Variants in MAGI2 observed in about 807,000 individuals in gnomAD.
The protein encoded by MAGI2 is membrane-associated guanylate kinase, WW and PDZ domain-containing protein 2.
Under a neutral mutation model 133.3 loss-of-function variants are expected in MAGI2, and 35 were observed. The ratio of observed to expected loss-of-function variants is 0.26; its 90% CI spans 0.20 to 0.35. MAGI2 has a LOEUF of 0.35. Among genes scored for constraint, MAGI2 ranks in the 10% least tolerant of loss-of-function variants. The probability of loss-of-function intolerance (pLI) is 1.00; values close to 1 mark genes in which losing one functional copy is unlikely to be tolerated. For missense variants in MAGI2, 1,636 were observed against 1,863.4 expected (o/e 0.88, Z 2.25); for synonymous variants, 729 against 710.6 (o/e 1.03, Z -0.41).
chr7:78,938,007 A>G (rs978726241), intron 2 of MAGI2, among the ~76,000 whole-genome samples: 10 of 152,102 alleles, frequency 6.6e-5, no homozygotes, highest in African/African-American at 1.7e-4. Flanking sequence ...AAAGATGAAT[A>G]TTTCATCATC....
chr7:78,493,380 T>TTA (rs1464940524), intron 5 of MAGI2, among the ~76,000 whole-genome samples: 1 of 152,106 alleles, frequency 6.6e-6, no homozygotes, highest in Non-Finnish European at 1.5e-5. Flanking sequence ...CATTGCAGAG[T>TTA]TATTCTCACT....
At chr7:79,181,872 A>G (rs1385624908) in intron 1 of MAGI2, among the ~76,000 whole-genome samples, 1 of 152,002 alleles carries the variant, frequency 6.6e-6, no homozygotes, top group African/African-American at 2.4e-5. Context: ...GATGTTCCAC[A>G]AATCTCTAGG....
intron 1 of MAGI2, among the ~76,000 whole-genome samples, chr7:79,428,179 G>A (rs1221206128): frequency 2.0e-5 from 3 of 152,170 alleles, no homozygotes; most frequent in African/African-American, 7.2e-5. Context: ...TGGAAACCAT[G>A]ACTAGTGCAA....
At chr7:79,191,358 TCATTTCCTGAG>T (rs1305278699) in intron 1 of MAGI2, among the ~76,000 whole-genome samples, 1 of 150,522 alleles carries the variant, frequency 6.6e-6, no homozygotes, top group East Asian at 1.9e-4. Context: ...TGCAGCAATT[TCATTTCCTGAG>T]CATTTCTTCT....
Position 78,513,604 on chromosome 7 carries a change from T to G in MAGI2, c.754+7826A>C, listed in dbSNP as rs546316703. On this transcript the variant is annotated intron_variant, in intron 4 of 21. Transcript: ENST00000354212. ...GAAAGCCTGGAGAACCTGAAGAAAC[T>G]TAAACATTTTCACAATTCCATGGGC... Among the ~76,000 whole-genome samples the G allele has an allele frequency of 6.6e-5, 10 of 152,242 alleles. No homozygotes were observed. The South Asian group carries it at 2.1e-3, about 32-fold the overall frequency.
chr7:78,203,572 A>G (rs1192973190), intron 10 of MAGI2, among the ~76,000 whole-genome samples: 1 of 152,174 alleles, frequency 6.6e-6, no homozygotes. Context: ...ACGTGATGGC[A>G]GTTTCTGGAA....
intron 1 of MAGI2, among the ~76,000 whole-genome samples, chr7:79,445,739 A>G (rs1481697530): frequency 7.9e-5 from 12 of 152,218 alleles, no homozygotes; most frequent in Admixed American, 7.2e-4. Flanking sequence ...TAGTTCAACC[A>G]TTGTGGAAGT....
intron 2 of MAGI2, among the ~76,000 whole-genome samples, chr7:78,646,022 A>G (rs1435993478): frequency 6.6e-6 from 1 of 152,200 alleles, no homozygotes; most frequent in Non-Finnish European, 1.5e-5. Context: ...TACAGGCGTG[A>G]GGCACTGCAC....
chr7:78,417,217 T>C (rs1484752792), intron 6 of MAGI2, among the ~76,000 whole-genome samples: 1 of 152,126 alleles, frequency 6.6e-6, no homozygotes, highest in East Asian at 1.9e-4. Flanking sequence ...ACTGAAAGAC[T>C]GTTATTTTAT....
intron 20 of MAGI2, among the ~76,000 whole-genome samples, chr7:78,100,427 T>G (rs564499147): frequency 1.3e-5 from 2 of 152,302 alleles, no homozygotes; most frequent in East Asian, 3.9e-4. Context: ...ACATGCTCAC[T>G]GCAGCCTTGA....
At chr7:78,562,609 G>A (rs905590305) in intron 3 of MAGI2, among the ~76,000 whole-genome samples, 5 of 152,044 alleles carry the variant, frequency 3.3e-5, no homozygotes, top group African/African-American at 1.2e-4. Context: ...CAGTGAAACA[G>A]GTAAAAAATC....
At chr7:79,237,782 G>A (rs866932871) in intron 1 of MAGI2, among the ~76,000 whole-genome samples, 1 of 152,250 alleles carries the variant, frequency 6.6e-6, no homozygotes, top group Non-Finnish European at 1.5e-5. Context: ...ATGCCACAAT[G>A]TATTTAAATA....
intron 1 of MAGI2, among the ~76,000 whole-genome samples, chr7:79,078,831 G>A (rs368254173): frequency 1.5e-4 from 23 of 152,198 alleles, no homozygotes; most frequent in East Asian, 1.4e-3. Context: ...GTGAGTTTGC[G>A]TGCATATAAA....
chr7:78,363,495 A>AAATAATAATAATAATGATAAT (rs755903771), intron 7 of MAGI2, among the ~76,000 whole-genome samples: 27,984 of 121,914 alleles, frequency 0.23, 3,190 homozygotes, highest in East Asian at 0.47. Flanking sequence ...TCCATCTCGA[A>AAATAATAATAATAATGATAAT]AATAATAATA....
chr7:78,212,889 C>T (rs997884374), intron 10 of MAGI2, among the ~76,000 whole-genome samples: 3 of 152,188 alleles, frequency 2.0e-5, no homozygotes, highest in African/African-American at 7.2e-5. Context: ...GTTGCCCACA[C>T]TGGTCTCAAA....
intron 4 of MAGI2, among the ~76,000 whole-genome samples, chr7:78,505,695 A>G (rs893682143): frequency 2.0e-5 from 3 of 152,230 alleles, no homozygotes; most frequent in Non-Finnish European, 4.4e-5. Context: ...CCTTTCTCTC[A>G]TGGAACTCCA....
intron 6 of MAGI2, among the ~76,000 whole-genome samples, chr7:78,482,142 A>G (rs891679829): frequency 6.6e-6 from 1 of 151,982 alleles, no homozygotes; most frequent in South Asian, 2.1e-4. Context: ...AATCATATAA[A>G]AAGATGTGCA....
intron 1 of MAGI2, among the ~76,000 whole-genome samples, chr7:79,447,621 C>A (rs1393472185): frequency 6.6e-6 from 1 of 151,782 alleles, no homozygotes; most frequent in Admixed American, 6.6e-5. Context: ...TATTGCATTT[C>A]TTTCATACAA....
intron 2 of MAGI2, among the ~76,000 whole-genome samples, chr7:78,667,498 T>A (rs1813748781): frequency 6.6e-6 from 1 of 151,866 alleles, no homozygotes; most frequent in Non-Finnish European, 1.5e-5. Flanking sequence ...CATTAACTCG[T>A]TATTTAGCAT....
Sources: allele counts gnomAD v4.1 joint callset (sites outside exome capture counted in the v4.1 genomes callset), GRCh38; gene constraint gnomAD v4.1.1; transcripts MANE v1.5; gene names NCBI Gene and HGNC (gene_info 2026-07-23, HGNC 2026-07-21).